The following CNBD1 variants were observed in gnomAD, a reference collection of about 807,000 sequenced individuals.
CNBD1 encodes the protein cyclic nucleotide-binding domain-containing protein 1.
In CNBD1, 71 loss-of-function variants were observed where a neutral mutation model predicts 54.4. The observed-to-expected ratio is 1.30, with a 90% confidence interval of 1.08 to 1.59. The LOEUF is 1.59. Ranked by LOEUF, CNBD1 falls within the 40% of genes most tolerant of loss-of-function variation. The probability of loss-of-function intolerance (pLI) is 0.00; values close to 1 mark genes in which losing one functional copy is unlikely to be tolerated. For missense variants in CNBD1, 659 were observed against 518.0 expected (o/e 1.27, Z -2.64); for synonymous variants, 182 against 170.7 (o/e 1.07, Z -0.51).
chr8:87,031,699 T>C (rs1162312349), intron 4 of CNBD1, among the ~76,000 whole-genome samples: 3 of 152,188 alleles, frequency 2.0e-5, no homozygotes, highest in African/African-American at 7.2e-5. Context: ...CCTCCATTAG[T>C]ATTGACATCC....
intron 2 of CNBD1, among the ~76,000 whole-genome samples, chr8:87,393,936 C>A (rs1033358585): frequency 1.3e-5 from 2 of 151,756 alleles, no homozygotes; most frequent in Non-Finnish European, 2.9e-5. Flanking sequence ...AAACACTATC[C>A]AAAGGCCAGT....
chr8:87,096,978 T>C (rs1414823589), intron 4 of CNBD1, among the ~76,000 whole-genome samples: 1 of 152,318 alleles, frequency 6.6e-6, no homozygotes, highest in South Asian at 2.1e-4. Flanking sequence ...CAGGATATAC[T>C]TGGAAGCAGA....
chr8:87,025,135 G>A (rs1197433274), intron 4 of CNBD1, among the ~76,000 whole-genome samples: 4 of 152,048 alleles, frequency 2.6e-5, no homozygotes, highest in Admixed American at 6.6e-5. Flanking sequence ...ACCAATCAGC[G>A]CTCTGTGTCT....
chr8:87,304,845 C>T (rs1014523585), intron 8 of CNBD1, among the ~76,000 whole-genome samples: 6 of 151,994 alleles, frequency 3.9e-5, no homozygotes, highest in East Asian at 1.9e-4. Flanking sequence ...CTTCTGAGAA[C>T]TGGAACAAGA....
intron 4 of CNBD1, among the ~76,000 whole-genome samples, chr8:86,992,323 A>G (rs1248122232): frequency 1.3e-5 from 2 of 152,036 alleles, no homozygotes; most frequent in African/African-American, 4.8e-5. Context: ...CTGATATAAT[A>G]ATACCAACTC....
At chr8:87,397,269 G>A (rs1028385258) in intron 2 of CNBD1, among the ~76,000 whole-genome samples, 1 of 151,828 alleles carries the variant, frequency 6.6e-6, no homozygotes, top group African/African-American at 2.4e-5. Flanking sequence ...GAAAGGAACA[G>A]CCTCCCATGA....
chr8:87,377,989 T>A (rs1468389652), intron 10 of CNBD1, among the ~76,000 whole-genome samples: 3 of 137,946 alleles, frequency 2.2e-5, no homozygotes, highest in Non-Finnish European at 4.7e-5. Flanking sequence ...TGCCCACTTT[T>A]TGATGGGGTT....
chr8:87,163,185 A>C lies in CNBD1; in HGVS notation c.432-42808A>C, dbSNP rs530290862. Among the ~76,000 whole-genome samples the C allele has an allele frequency of 6.6e-6, 1 of 152,094 alleles. No homozygotes were observed. The highest frequency in any genetic ancestry group is 1.5e-5 in the Non-Finnish European group (1 of 67,992). On this transcript the variant is annotated intron_variant, in intron 4 of 10. Transcript: ENST00000518476. The surrounding 1 kb of genome is among the most constrained non-coding windows in gnomAD (Gnocchi z 4.5). ...AAGTAGATTGAACTAACAAATGTAC[A>C]ATATTTTGGTATTAATAACATCTCA...
chr8:86,930,172 C>A (rs2130401413), intron 3 of CNBD1, among the ~76,000 whole-genome samples: 1 of 152,260 alleles, frequency 6.6e-6, no homozygotes, highest in Admixed American at 6.5e-5. Context: ...CCAAAGAACC[C>A]CCGCAACTGT....
chr8:87,303,866 G>A (rs1809077976), intron 8 of CNBD1, among the ~76,000 whole-genome samples: 1 of 152,108 alleles, frequency 6.6e-6, no homozygotes, highest in Non-Finnish European at 1.5e-5. Flanking sequence ...ATATTAAACA[G>A]CCAAAAGACA....
Position 87,409,520 on chromosome 8 carries a change from C to T in CNBD1, c.214-19026C>T, listed in dbSNP as rs1327479602. Among the ~76,000 whole-genome samples, 3 of 152,214 alleles carry T rather than the reference C, an allele frequency of 2.0e-5. No homozygotes were observed. The East Asian group carries it at 5.8e-4, about 29-fold the overall frequency. ...TAACTAAGATCTTTGATTAAAATAG[C>T]TACAGTAAACAATAGACAAAACAGC... On this transcript the variant is annotated intron_variant, in intron 2 of 7. Coordinates refer to the CNBD1 transcript ENST00000521593.
chr8:87,221,742 T>C (rs62527355), intron 5 of CNBD1, among the ~76,000 whole-genome samples: 1 of 152,154 alleles, frequency 6.6e-6, no homozygotes, highest in Non-Finnish European at 1.5e-5. Flanking sequence ...ATTTGAAGGC[T>C]ATTTCAATAG....
chr8:87,079,843 G>A (rs1810950153), intron 4 of CNBD1, among the ~76,000 whole-genome samples: 1 of 151,956 alleles, frequency 6.6e-6, no homozygotes, highest in Non-Finnish European at 1.5e-5. Context: ...TAATTTTTCA[G>A]GGTTTTCTGT....
intron 5 of CNBD1, among the ~76,000 whole-genome samples, chr8:87,229,266 G>A (rs1748366745): frequency 6.6e-6 from 1 of 151,980 alleles, no homozygotes; most frequent in South Asian, 2.1e-4. Context: ...GGCCATCTTG[G>A]CTCCTCCCCC....
rs561325807 is a variant in CNBD1 at position 87,226,283 on chromosome 8, C to A, written c.578-10636C>A. Among the ~76,000 whole-genome samples the A allele has an allele frequency of 5.6e-4, 84 of 151,014 alleles. 1 individual carries two copies. In the East Asian group the frequency reaches 0.015, roughly 28 times the overall value. ...TTAGTTATTTCTTGCCTTCTGCTAG[C>A]TTTTGAATGTGTTTGCTCGTGCTTT... is the stretch of plus-strand genomic sequence containing the variant. On this transcript the variant is annotated intron_variant, in intron 5 of 10. Transcript: ENST00000518476.
intron 8 of CNBD1, among the ~76,000 whole-genome samples, chr8:87,327,720 T>C (rs1307268115): frequency 1.3e-5 from 2 of 152,148 alleles, no homozygotes; most frequent in Non-Finnish European, 2.9e-5. Context: ...CCTAGTGAGA[T>C]GAACCCGGTA....
intron 1 of CNBD1, among the ~76,000 whole-genome samples, chr8:86,885,444 G>A (rs1808667947): frequency 1.3e-5 from 2 of 152,048 alleles, no homozygotes; most frequent in Admixed American, 1.3e-4. Context: ...TTTTAACCGT[G>A]TTATAGGGTT....
intron 8 of CNBD1, among the ~76,000 whole-genome samples, chr8:87,300,148 G>A (rs1808956330): frequency 1.3e-5 from 2 of 151,974 alleles, no homozygotes; most frequent in South Asian, 2.1e-4. Context: ...ATATAAATAT[G>A]ATATCAAAAC....
At chr8:87,412,355 A>G (rs1807760320) in intron 2 of CNBD1, among the ~76,000 whole-genome samples, 2 of 152,140 alleles carry the variant, frequency 1.3e-5, no homozygotes, top group Admixed American at 1.3e-4. Flanking sequence ...CAGAACAGTA[A>G]TACTATGTCA....
Sources: gnomAD v4.1 joint callset for allele counts (sites outside exome capture counted in the v4.1 genomes callset) on GRCh38, gnomAD v4.1.1 for gene constraint, Gnocchi (gnomAD v3.1) non-coding constraint, MANE v1.5 for transcripts, NCBI Gene and HGNC (gene_info 2026-07-23, HGNC 2026-07-21) for gene names.